Variants in KCNJ8 observed in about 807,000 individuals in gnomAD.
KCNJ8 encodes the protein potassium inwardly rectifying channel subfamily J member 8, also known as ATP-sensitive inward rectifier potassium channel 8.
In KCNJ8, 13 loss-of-function variants were observed where a neutral mutation model predicts 28.2. That is an observed-to-expected ratio of 0.46 (90% confidence interval 0.30 to 0.73). The LOEUF (loss-of-function observed/expected upper bound fraction) is 0.73. Among genes scored for constraint, KCNJ8 ranks in the 30% least tolerant of loss-of-function variants. KCNJ8 has a pLI of 0.07. For synonymous variants in KCNJ8, 188 were observed against 195.9 expected (o/e 0.96, Z 0.34); for missense variants, 284 against 542.6 (o/e 0.52, Z 4.73).
Position 21,773,362 on chromosome 12 carries a change from C to T in KCNJ8, c.255G>A (p.Leu85=). ...CCAGCCACCACATGATAGCGAAGAG[C>T]AGCCAGCTGCAGAGGAAGGACATGG... ...IFTMSFLCSW[L]LFAIMWWLVA... The change falls in exon 2 of 3, where the codon CTG becomes CTA. Residue 85 remains leucine (L), a synonymous_variant. Coordinates refer to ENST00000240662, the MANE Select transcript of KCNJ8 (RefSeq NM_004982.4). This position sits in a 1 kb window ranked among gnomAD's most constrained non-coding sequence, Gnocchi z 4.6. 6.2e-7 allele frequency: 1 copy of T among 1,614,240 alleles called. No individual in the cohort carries two copies. The highest frequency in any genetic ancestry group is 2.2e-5 in the East Asian group (1 of 44,878).
In KCNJ8 at chr12:21,765,472, C is replaced by A. The variant is rs930287501; in HGVS notation, c.*251G>T. The A allele has an allele frequency of 5.7e-6, 3 of 530,520 alleles. No individual in the cohort carries two copies. The highest frequency in any genetic ancestry group is 1.0e-5 in the Non-Finnish European group (3 of 294,502). The allele number at this position is 530,520 out of a possible 1,614,324, so 32.9% of individuals were successfully genotyped here. On this transcript the variant is annotated 3_prime_UTR_variant, in exon 3 of 3. Coordinates refer to ENST00000240662, the MANE Select transcript of KCNJ8 (RefSeq NM_004982.4). ...TTCAAATTGAGAGAAACGAGCATAC[C>A]CACCCCTGCACATAACTTAAGTATA... is the stretch of plus-strand genomic sequence containing the variant.
chr12:21,773,536 G>A lies in KCNJ8; in HGVS notation c.81C>T (p.Ile27=). ...IAAENLRKPR[I]RDRLPKARFI... The stretch of plus-strand genomic sequence containing the variant: ...AGCGGGCTTTGGGGAGGCGGTCTCG[G>A]ATGCGCGGCTTGCGCAGGTTCTCTG... Residue 27 remains isoleucine (I), a synonymous_variant, in exon 2 of 3, where the codon ATC becomes ATT. Coordinates refer to ENST00000240662, the MANE Select transcript of KCNJ8 (RefSeq NM_004982.4). This position sits in a 1 kb window ranked among gnomAD's most constrained non-coding sequence, Gnocchi z 4.6. The A allele has an allele frequency of 4.3e-6, 7 of 1,614,216 alleles. No individual in the cohort carries two copies. The highest frequency in any genetic ancestry group is 1.1e-5 in the South Asian group (1 of 91,078).
At position 21,773,092 on chromosome 12, in the gene KCNJ8, T is replaced by G. The variant is rs956234246; in HGVS notation, c.374+151A>C. On this transcript the variant is annotated intron_variant, in intron 2 of 2. Coordinates refer to ENST00000240662, the MANE Select transcript of KCNJ8 (RefSeq NM_004982.4). The surrounding 1 kb of genome is among the most constrained non-coding windows in gnomAD (Gnocchi z 4.6). ...TAAAAAATACTTACTGTGTTAGGTGTTGTTCTTTATTGTGCTTTTTTGTTT... is the reference window on the plus strand; with the variant it reads ...TAAAAAATACTTACTGTGTTAGGTGGTGTTCTTTATTGTGCTTTTTTGTTT... 4 of 871,174 alleles carry G rather than the reference T, an allele frequency of 4.6e-6. No homozygotes were observed. Among genetic ancestry groups the G allele is most frequent in the African/African-American group, 1.7e-5 (1 of 59,616 alleles). The allele number at this position is 871,174 out of a possible 1,614,324, so 54.0% of individuals were successfully genotyped here.
At position 21,773,062 on chromosome 12, in the gene KCNJ8, G is replaced by A. The variant is rs1940797800; in HGVS notation, c.374+181C>T. On this transcript the variant is annotated intron_variant, in intron 2 of 2. Transcript: ENST00000240662. The surrounding 1 kb of genome is among the most constrained non-coding windows in gnomAD (Gnocchi z 4.6). ...TTCAGAGACTCTTCTCCATAAAGCT[G>A]CATTTAAAAAATACTTACTGTGTTA... Among the ~76,000 whole-genome samples, 2 of 152,278 alleles carry A rather than the reference G, an allele frequency of 1.3e-5. No homozygotes were observed. Among genetic ancestry groups the A allele is most frequent in the Non-Finnish European group, 1.5e-5 (1 of 68,020 alleles).
chr12:21,773,547 T>C lies in KCNJ8; in HGVS notation c.70A>G (p.Lys24Glu). 1 of 1,614,222 alleles carries C rather than the reference T, an allele frequency of 6.2e-7. No individual in the cohort carries two copies. Among genetic ancestry groups the C allele is most frequent in the Non-Finnish European group, 8.5e-7 (1 of 1,180,044 alleles). Residue 24 changes from lysine to glutamate, a missense_variant, in exon 2 of 3, where the codon AAG (lysine) becomes GAG (glutamate). Lys to Glu is a moderately conservative substitution (Grantham distance 56). Around this residue, in one of 8 missense-constraint regions of KCNJ8, gnomAD observed 54 missense variants for 77.5 expected, o/e 0.70. Transcript: ENST00000240662. This position sits in a 1 kb window ranked among gnomAD's most constrained non-coding sequence, Gnocchi z 4.6. ...GGGAGGCGGTCTCGGATGCGCGGCTTGCGCAGGTTCTCTGCGGCGATGCGC... is the reference window on the plus strand; with the variant it reads ...GGGAGGCGGTCTCGGATGCGCGGCTCGCGCAGGTTCTCTGCGGCGATGCGC... ...LARIAAENLR[K>E]PRIRDRLPKA... is the part of the protein sequence containing the mutation.
Position 21,765,536 on chromosome 12 carries a change from A to C in KCNJ8, c.*187T>G. The C allele has an allele frequency of 1.6e-6, 1 of 643,194 alleles. No individual in the cohort carries two copies. The highest frequency in any genetic ancestry group is 1.8e-5 in the South Asian group (1 of 54,966). The allele number at this position is 643,194 out of a possible 1,614,324, so 39.8% of individuals were successfully genotyped here. On this transcript the variant is annotated 3_prime_UTR_variant, in exon 3 of 3. Coordinates refer to ENST00000240662, the MANE Select transcript of KCNJ8 (RefSeq NM_004982.4). The stretch of plus-strand genomic sequence containing the variant: ...TACATGTATGAAACAAGCATAAGCC[A>C]TGAATCCTCCACTTGGTGTGTTACT...
chr12:21,768,137 T>A (rs1225124857), intron 2 of KCNJ8, among the ~76,000 whole-genome samples: 1 of 152,084 alleles, frequency 6.6e-6, no homozygotes, highest in African/African-American at 2.4e-5. Flanking sequence ...GCAGCCTAGA[T>A]CCCTCACCTT....
At chr12:21,774,458 G>A (rs1332747376) in intron 1 of KCNJ8, 88 bp downstream of exon 1, 4 of 151,780 alleles carry the variant, frequency 2.6e-5, no homozygotes, top group Non-Finnish European at 5.9e-5. Flanking sequence ...ATCACTGCAA[G>A]CCTCTGCGGT....
chr12:21,767,858 G>A (rs995162334), intron 2 of KCNJ8, among the ~76,000 whole-genome samples: 3 of 152,104 alleles, frequency 2.0e-5, no homozygotes, highest in African/African-American at 7.2e-5. Flanking sequence ...TTTTCAAAAC[G>A]TGCTCACTTT....
In KCNJ8 at chr12:21,765,722, G is replaced by A. The variant is rs997573087; in HGVS notation, c.*1C>T. On this transcript the variant is annotated 3_prime_UTR_variant, in exon 3 of 3. Transcript: ENST00000240662. ...AAGACTGTCTTGGGGTTATCTTGCT[G>A]TCATGATTCCGATGTGTTTTGATTT... 1.2e-6 allele frequency: 2 copies of A among 1,613,572 alleles called. No homozygotes were observed. The highest frequency in any genetic ancestry group is 1.3e-5 in the African/African-American group (1 of 74,908).
In KCNJ8 at chr12:21,773,498, C is replaced by T; in HGVS notation, c.119G>A (p.Ser40Asn). Residue 40 changes from serine to asparagine, a missense_variant, in exon 2 of 3, where the codon AGC (serine) becomes AAC (asparagine). Transcript: ENST00000240662. The surrounding 1 kb of genome is among the most constrained non-coding windows in gnomAD (Gnocchi z 4.6). Reference sequence around the variant, plus strand: ...CTTATGCGCCAGGTTGCAGGCCCCGCTCTTGGCGATGAAGCGGGCTTTGGG... The same window carrying T: ...CTTATGCGCCAGGTTGCAGGCCCCGTTCTTGGCGATGAAGCGGGCTTTGGG... ...RLPKARFIAK[S>N]GACNLAHKNI... 6.2e-7 allele frequency: 1 copy of T among 1,614,266 alleles called. No individual in the cohort carries two copies. Among genetic ancestry groups the T allele is most frequent in the Non-Finnish European group, 8.5e-7 (1 of 1,180,046 alleles).
intron 2 of KCNJ8, among the ~76,000 whole-genome samples, chr12:21,769,708 T>G (rs747390338): frequency 2.1e-4 from 32 of 152,288 alleles, no homozygotes; most frequent in Non-Finnish European, 4.1e-4. Flanking sequence ...AAGTTCATTC[T>G]AATTCTCATG....
chr12:21,769,860 G>A (rs962477414), intron 2 of KCNJ8, among the ~76,000 whole-genome samples: 3 of 152,192 alleles, frequency 2.0e-5, no homozygotes, highest in Admixed American at 6.5e-5. Context: ...GATGAATGAG[G>A]AGTTGCTTCT....
At chr12:21,767,341 A>G (rs937390303) in intron 2 of KCNJ8, among the ~76,000 whole-genome samples, 1 of 110,964 alleles carries the variant, frequency 9.0e-6, no homozygotes, top group African/African-American at 3.4e-5. Context: ...GCCAGGGACC[A>G]GTGCTGGTCC....
Position 21,766,029 on chromosome 12 carries a change from G to T in KCNJ8, c.969C>A (p.Arg323=), listed in dbSNP as rs1311193970. Residue 323 remains arginine, a synonymous_variant, in exon 3 of 3, where the codon CGC becomes CGA. Transcript: ENST00000240662. This position sits in a 1 kb window ranked among gnomAD's most constrained non-coding sequence, Gnocchi z 6.5. ...CTTCCTCAGTCACAATGGACACAAA[G>T]CGGTGGCCCCATTGGATCTCCTCAG... ...YIAEEIQWGH[R]FVSIVTEEEG... The T allele has an allele frequency of 3.7e-6, 6 of 1,614,174 alleles. No homozygotes were observed. The highest frequency in any genetic ancestry group is 3.3e-4 in the Middle Eastern group (2 of 6,062).
chr12:21,765,112 T>C lies in KCNJ8; in HGVS notation c.*611A>G, dbSNP rs138258592. On this transcript the variant is annotated 3_prime_UTR_variant, in exon 3 of 3. Coordinates refer to ENST00000240662, the MANE Select transcript of KCNJ8 (RefSeq NM_004982.4). ...TTCCTTCAAAGACACCTTGTCCAGC[T>C]CTGCCCAACAGGCCGCAATGAGATG... 1.9e-3 allele frequency: 305 copies of C among 160,634 alleles called. No individual in the cohort carries two copies. Among genetic ancestry groups the C allele is most frequent in the African/African-American group, 7.1e-3 (296 of 41,608 alleles). The allele number at this position is 160,634 out of a possible 1,614,324, so 10.0% of individuals were successfully genotyped here. A position where few individuals can be genotyped will look rare whatever the true frequency, so the allele number is the denominator to read the frequency against.
Position 21,765,955 on chromosome 12 carries a change from A to C in KCNJ8, c.1043T>G (p.Val348Gly). ...DYSKFGNTVK[V>G]AAPRCSAREL... ...TCGGGCACTGCACCGTGGAGCAGCT[A>C]CTTTAACAGTGTTGCCAAATTTGGA... The change falls in exon 3 of 3, where the codon GTA (valine) becomes GGA (glycine). Residue 348 changes from valine (V) to glycine (G), a missense_variant. Transcript: ENST00000240662. 1 of 1,614,160 alleles carries C rather than the reference A, an allele frequency of 6.2e-7. No homozygotes were observed. The highest frequency in any genetic ancestry group is 8.5e-7 in the Non-Finnish European group (1 of 1,180,012).
Position 21,773,725 on chromosome 12 carries a change from A to C in KCNJ8, c.-70-39T>G, listed in dbSNP as rs979742765. ...ACATTTATTAAAAACTTAAAAACCC[A>C]CCCTATCCTCACCTCTTGGGTCCTT... On this transcript the variant is annotated intron_variant, in intron 1 of 2. Coordinates refer to ENST00000240662, the MANE Select transcript of KCNJ8 (RefSeq NM_004982.4). The surrounding 1 kb of genome is among the most constrained non-coding windows in gnomAD (Gnocchi z 4.6). 20 of 1,472,216 alleles carry C rather than the reference A, an allele frequency of 1.4e-5. No individual in the cohort carries two copies. The highest frequency in any genetic ancestry group is 1.9e-5 in the Non-Finnish European group (20 of 1,067,638). The allele number at this position is 1,472,216 out of a possible 1,614,324, so 91.2% of individuals were successfully genotyped here. A position where few individuals can be genotyped will look rare whatever the true frequency, so the allele number is the denominator to read the frequency against.
chr12:21,766,645 A>G lies in KCNJ8; in HGVS notation c.375-22T>C. On this transcript the variant is annotated intron_variant, in intron 2 of 2. Coordinates refer to ENST00000240662, the MANE Select transcript of KCNJ8 (RefSeq NM_004982.4). This position sits in a 1 kb window ranked among gnomAD's most constrained non-coding sequence, Gnocchi z 6.5. ...AGACCTGTGAGGAATGATATCAGAA[A>G]AGAACACCATCAGGTCACATTTTGA... 1 of 1,569,120 alleles carries G rather than the reference A, an allele frequency of 6.4e-7. No individual in the cohort carries two copies. The highest frequency in any genetic ancestry group is 8.7e-7 in the Non-Finnish European group (1 of 1,152,972).
Sources: allele counts gnomAD v4.1 joint callset (sites outside exome capture counted in the v4.1 genomes callset), GRCh38; gene constraint gnomAD v4.1.1; regional missense constraint gnomAD v4.1.1; non-coding constraint Gnocchi (gnomAD v3.1); transcripts MANE v1.5; gene names NCBI Gene and HGNC (gene_info 2026-07-23, HGNC 2026-07-21).